The following TPM1 variants were observed in gnomAD, a reference collection of about 807,000 sequenced individuals.
TPM1 encodes tropomyosin alpha-1 chain.
A neutral mutation model predicts 42.9 loss-of-function variants in TPM1; 24 were observed. The observed-to-expected ratio is 0.56, with a 90% CI of 0.41 to 0.79. The LOEUF (loss-of-function observed/expected upper bound fraction) is 0.79, where lower values mean the gene tolerates loss of function less well. Ranked by LOEUF, TPM1 falls within the 30% of genes least tolerant of loss-of-function variation. The pLI is 0.00. For missense variants in TPM1, 158 were observed against 351.8 expected, an observed-to-expected ratio of 0.45 and a Z score of 4.41; for synonymous variants, 136 against 130.1, an observed-to-expected ratio of 1.05 and a Z score of -0.31.
chr15:63,047,277 C>A (rs1299774540), intron 2 of TPM1: 1 of 152,268 alleles, frequency 6.6e-6, no homozygotes, highest in Non-Finnish European at 1.5e-5. Flanking sequence ...AGCAAAAGTT[C>A]CTTGTTAGGG....
intron 2 of TPM1, 29 bp from the exon 3 acceptor site, chr15:63,056,956 C>T (rs768553742): frequency 1.2e-6 from 2 of 1,614,036 alleles, no homozygotes; most frequent in Non-Finnish European, 1.7e-6. Flanking sequence ...TTCTCCCCAA[C>T]TCTGAAATGC....
At chr15:63,046,026 A>C (rs2032308998) in intron 2 of TPM1, 1 of 152,238 alleles carries the variant, frequency 6.6e-6, no homozygotes, top group Admixed American at 6.5e-5. Flanking sequence ...AAGGGGGATA[A>C]GGTCTGAGAC....
chr15:63,068,682 G>C (rs1045982484), downstream of TPM1, among the ~76,000 whole-genome samples: 5 of 152,180 alleles, frequency 3.3e-5, no homozygotes, highest in African/African-American at 1.2e-4. Flanking sequence ...TAGCTTGGAT[G>C]TCCCCTGGAT....
intron 8 of TPM1, chr15:63,063,004 G>A (rs1316841686): frequency 7.4e-7 from 1 of 1,349,656 alleles, no homozygotes; most frequent in African/African-American, 1.5e-5. Flanking sequence ...GAATGATGTG[G>A]TGATTGTGGT....
rs2036020839 is a variant in TPM1 at position 63,064,240 on chromosome 15, C to T, written c.851+98C>T. On this transcript the variant is annotated intron_variant, in intron 9 of 9. Transcript: ENST00000403994. ...CCTTGCTCCCTAATCTCCATCTTTG[C>T]ACTCTTGTGTTCACCCTTTTTGTCA... is the stretch of plus-strand genomic sequence containing the variant. 61 of 1,552,208 alleles carry T rather than the reference C, an allele frequency of 3.9e-5. 2 individuals carry two copies. The South Asian group carries it at 6.9e-4, about 18-fold the overall frequency.
At position 63,043,561 on chromosome 15, in the gene TPM1, A is replaced by G. The variant is rs533177509; in HGVS notation, c.115-466A>G. ...CGCGGAGCGGTTCCAGCTCGGGTAAAGAGGAAGTTACCTCGGGTCCTTTGC... is the reference window on the plus strand; with the variant it reads ...CGCGGAGCGGTTCCAGCTCGGGTAAGGAGGAAGTTACCTCGGGTCCTTTGC... On this transcript the variant is annotated intron_variant, in intron 1 of 9. Coordinates refer to ENST00000403994, the MANE Select transcript of TPM1 (RefSeq NM_001018005.2). The G allele has an allele frequency of 5.6e-4, 738 of 1,316,398 alleles. 1 individual carries two copies. The highest frequency in any genetic ancestry group is 6.9e-4 in the Non-Finnish European group (652 of 947,916). 81.5% of individuals were successfully genotyped at this position (1,316,398 alleles called of 1,614,324 possible).
At chr15:63,048,297 C>G (rs1432641208) in intron 2 of TPM1, 6 of 829,926 alleles carry the variant, frequency 7.2e-6, no homozygotes, top group Non-Finnish European at 1.1e-5. Context: ...GCGCCTTTCT[C>G]CCCGCCGCCG....
At chr15:63,062,726 A>G (rs775869894) in intron 8 of TPM1, 81 bp downstream of exon 8, 1 of 1,609,010 alleles carries the variant, frequency 6.2e-7, no homozygotes, top group Non-Finnish European at 8.5e-7. Context: ...ATTCAAGGGC[A>G]TCCACATTGA....
chr15:63,065,767 T>C (rs1042628960), intron 9 of TPM1, 129 bp from the exon 10 acceptor site: 1 of 1,377,598 alleles, frequency 7.3e-7, no homozygotes, highest in African/African-American at 1.5e-5. Flanking sequence ...TGGCTGGCAG[T>C]GGGGTTTGCA....
At chr15:63,048,651 G>A (rs1169761823) in intron 2 of TPM1, 1 of 1,539,106 alleles carries the variant, frequency 6.5e-7, no homozygotes, top group Non-Finnish European at 8.7e-7. Context: ...CGCCGCTGAG[G>A]AGCGCGCGGG....
downstream of TPM1, among the ~76,000 whole-genome samples, chr15:63,068,425 A>G (rs2036405549): frequency 6.6e-6 from 1 of 152,206 alleles, no homozygotes; most frequent in Non-Finnish European, 1.5e-5. Flanking sequence ...AGAGCAGCAG[A>G]TATTCCAAGC....
In TPM1 at chr15:63,060,891, T is replaced by C. The variant is rs199476312; in HGVS notation, c.515T>C (p.Ile172Thr). The stretch of plus-strand genomic sequence containing the variant: ...CAGGTGGCCCGTAAGCTGGTCATCA[T>C]TGAGAGCGACCTGGAACGTGCAGAG... ...YEEVARKLVIIESDLERAEER... is the reference protein window; with the variant it reads ...YEEVARKLVITESDLERAEER... The change falls in exon 5 of 10, where the codon ATT becomes ACT. Residue 172 changes from isoleucine to threonine, a missense_variant. Coordinates refer to ENST00000403994, the MANE Select transcript of TPM1 (RefSeq NM_001018005.2). 4 of 1,614,210 alleles carry C rather than the reference T, an allele frequency of 2.5e-6. No homozygotes were observed. The highest frequency in any genetic ancestry group is 1.1e-5 in the South Asian group (1 of 91,082).
At chr15:63,046,974 A>G (rs2032512806) in intron 2 of TPM1, 1 of 152,240 alleles carries the variant, frequency 6.6e-6, no homozygotes, top group African/African-American at 2.4e-5. Context: ...CTCACCTGAA[A>G]CTGACCTTCC....
At chr15:63,061,129 A>G in intron 5 of TPM1, 190 bp downstream of exon 5, 1 of 1,540,746 alleles carries the variant, frequency 6.5e-7, no homozygotes, top group Non-Finnish European at 9.0e-7. Flanking sequence ...GAATGCGTGT[A>G]TCACTGCATG....
In TPM1 at chr15:63,063,833, C is replaced by T. The variant is rs975550773; in HGVS notation, c.773-231C>T. The T allele has an allele frequency of 1.1e-5, 6 of 546,776 alleles. No homozygotes were observed. The African/African-American group carries it at 1.1e-4, about 10-fold the overall frequency. The allele number at this position is 546,776 out of a possible 1,614,324, so 33.9% of individuals were successfully genotyped here. On this transcript the variant is annotated intron_variant, in intron 8 of 9. Coordinates refer to ENST00000403994, the MANE Select transcript of TPM1 (RefSeq NM_001018005.2). The stretch of plus-strand genomic sequence containing the variant: ...ATTTGTTAGGATTTTCATATTGAGT[C>T]TTTTTCATTTTATTTTCTAATGGGT...
chr15:63,043,861 C>G, intron 1 of TPM1, 166 bp from the exon 2 acceptor site: 1 of 1,549,418 alleles, frequency 6.5e-7, no homozygotes, highest in Non-Finnish European at 8.7e-7. Flanking sequence ...CGGCGTGGCG[C>G]ACGAATGGCT....
At chr15:63,064,364 A>G (rs2036035227) in intron 9 of TPM1, 2 of 1,416,376 alleles carry the variant, frequency 1.4e-6, no homozygotes, top group African/African-American at 1.4e-5. Flanking sequence ...GAATCCGTTT[A>G]TTTTGTAAAC....
At position 63,042,887 on chromosome 15, in the gene TPM1, G is replaced by A. The variant is rs727504391; in HGVS notation, c.58G>A (p.Asp20Asn). ...GAAGCTCGACAAGGAGAACGCCTTG[G>A]ATCGAGCTGAGCAGGCGGAGGCCGA... Reference protein sequence around the residue: ...MLKLDKENALDRAEQAEADKK... With the variant: ...MLKLDKENALNRAEQAEADKK... The change falls in exon 1 of 10, where the codon GAT becomes AAT. Residue 20 changes from aspartate (D) to asparagine (N), a missense_variant. By Grantham distance (23) the Asp-to-Asn change is conservative. This residue lies in a region of TPM1 where 24 missense variants were observed against 26.8 expected (regional missense o/e 0.89). Transcript: ENST00000403994. The A allele has an allele frequency of 6.2e-7, 1 of 1,613,192 alleles. No homozygotes were observed. The highest frequency in any genetic ancestry group is 8.5e-7 in the Non-Finnish European group (1 of 1,179,452).
At chr15:63,048,878 G>A in intron 2 of TPM1, 4 of 824,886 alleles carry the variant, frequency 4.8e-6, no homozygotes, top group Admixed American at 2.1e-5. Flanking sequence ...GAGGGGCCCG[G>A]CCTGTTCTCC....
Sources: allele counts gnomAD v4.1 joint callset (sites outside exome capture counted in the v4.1 genomes callset), GRCh38; gene constraint gnomAD v4.1.1; regional missense constraint gnomAD v4.1.1; transcripts MANE v1.5; gene names NCBI Gene and HGNC (gene_info 2026-07-23, HGNC 2026-07-21).